FBXL7: variants seen among roughly 807,000 people sequenced by gnomAD.
FBXL7 encodes F-box/LRR-repeat protein 7.
FBXL7 carries 12 observed loss-of-function variants against 38.3 expected under a neutral mutation model. The ratio of observed to expected loss-of-function variants is 0.31; its 90% CI spans 0.20 to 0.51. FBXL7 has a LOEUF of 0.51. FBXL7 is among the 20% of genes least tolerant of loss of function. The probability of loss-of-function intolerance (pLI) is 0.98; values close to 1 mark genes in which losing one functional copy is unlikely to be tolerated. For synonymous variants in FBXL7, 297 were observed against 300.9 expected (o/e 0.99, Z 0.13); for missense variants, 567 against 676.4 (o/e 0.84, Z 1.79).
intron 2 of FBXL7, among the ~76,000 whole-genome samples, chr5:15,804,760 G>C (rs954965847): frequency 2.0e-5 from 3 of 152,078 alleles, no homozygotes; most frequent in Non-Finnish European, 4.4e-5. Flanking sequence ...CACATGTGAG[G>C]GATCTAGGTT....
At chr5:15,681,209 A>G (rs1048473282) in intron 2 of FBXL7, among the ~76,000 whole-genome samples, 1 of 152,202 alleles carries the variant, frequency 6.6e-6, no homozygotes, top group Non-Finnish European at 1.5e-5. Flanking sequence ...TTTCAACCTC[A>G]ATGTGAGGAA....
At chr5:15,690,706 G>T (rs1179632420) in intron 2 of FBXL7, among the ~76,000 whole-genome samples, 1 of 152,158 alleles carries the variant, frequency 6.6e-6, no homozygotes, top group Non-Finnish European at 1.5e-5. Context: ...GATAAATATT[G>T]AATGATCTCA....
At chr5:15,531,707 A>T (rs1401678101) in intron 1 of FBXL7, among the ~76,000 whole-genome samples, 1 of 152,190 alleles carries the variant, frequency 6.6e-6, no homozygotes, top group African/African-American at 2.4e-5. Flanking sequence ...TACCCCATTT[A>T]ACCTAATTTC....
At chr5:15,600,894 C>T (rs1445462040) in intron 1 of FBXL7, among the ~76,000 whole-genome samples, 2 of 152,142 alleles carry the variant, frequency 1.3e-5, no homozygotes, top group Admixed American at 1.3e-4. Context: ...CTGTCTTTTG[C>T]TGGGGTTGAG....
At chr5:15,505,845 G>A (rs147233704) in intron 1 of FBXL7, among the ~76,000 whole-genome samples, 153 of 152,228 alleles carry the variant, frequency 1.0e-3, no homozygotes, top group African/African-American at 3.5e-3. Flanking sequence ...CCCCACATCC[G>A]CTGGGGATGA....
chr5:15,530,059 GATA>G (rs1384509257), intron 1 of FBXL7, among the ~76,000 whole-genome samples: 2 of 152,208 alleles, frequency 1.3e-5, no homozygotes, highest in African/African-American at 2.4e-5. Flanking sequence ...GTATCTCTTA[GATA>G]ATACCCTTGA....
chr5:15,805,232 A>G (rs577539370), intron 2 of FBXL7, among the ~76,000 whole-genome samples: 31 of 152,334 alleles, frequency 2.0e-4, no homozygotes, highest in African/African-American at 5.8e-4. Flanking sequence ...ACTGCAGTGT[A>G]TGAATTTTCT....
rs79258657 is a variant in FBXL7 at position 15,635,339 on chromosome 5, C to A, written c.127+19267C>A. On this transcript the variant is annotated intron_variant, in intron 2 of 3. Coordinates refer to ENST00000504595, the MANE Select transcript of FBXL7 (RefSeq NM_012304.5). ...CAGGATGGTCTCTAGGTAAACAGAC[C>A]CTATATATGGTTGCTCAGGGCTCCA... Among the ~76,000 whole-genome samples, 1,495 of 152,096 alleles carry A rather than the reference C, an allele frequency of 9.8e-3. 20 individuals carry two copies. Among genetic ancestry groups the A allele is most frequent in the African/African-American group, 0.034 (1,409 of 41,484 alleles).
At chr5:15,702,211 C>A (rs1743546570) in intron 2 of FBXL7, among the ~76,000 whole-genome samples, 1 of 147,312 alleles carries the variant, frequency 6.8e-6, no homozygotes, top group African/African-American at 2.5e-5. Context: ...GCATTCCAGC[C>A]TGGAAACAAA....
At chr5:15,601,814 G>C (rs931677664) in intron 1 of FBXL7, among the ~76,000 whole-genome samples, 2 of 152,148 alleles carry the variant, frequency 1.3e-5, no homozygotes, top group African/African-American at 4.8e-5. Context: ...TGGAGTATCT[G>C]CTGGGTTGGA....
intron 1 of FBXL7, among the ~76,000 whole-genome samples, chr5:15,572,401 A>T (rs2126454545): frequency 6.6e-6 from 1 of 152,158 alleles, no homozygotes; most frequent in African/African-American, 2.4e-5. Context: ...AAAAAAAAAA[A>T]AAAAAAAAAT....
intron 2 of FBXL7, among the ~76,000 whole-genome samples, chr5:15,742,926 A>G (rs1204183844): frequency 5.3e-5 from 8 of 152,128 alleles, no homozygotes; most frequent in African/African-American, 1.9e-4. Flanking sequence ...GAAGCGAGGG[A>G]AAAACCCCTT....
chr5:15,833,322 G>C (rs1162711629), intron 2 of FBXL7, among the ~76,000 whole-genome samples: 1 of 152,068 alleles, frequency 6.6e-6, no homozygotes. Flanking sequence ...AAGCTCTCTG[G>C]GGTCTCTTTG....
chr5:15,504,248 T>TGTA (rs1201373178), intron 1 of FBXL7, among the ~76,000 whole-genome samples: 7 of 152,252 alleles, frequency 4.6e-5, no homozygotes, highest in African/African-American at 1.7e-4. Context: ...TCCTTGAATG[T>TGTA]GTAGTCATTC....
chr5:15,515,263 C>A (rs933578236), intron 1 of FBXL7, among the ~76,000 whole-genome samples: 3 of 152,174 alleles, frequency 2.0e-5, no homozygotes, highest in African/African-American at 7.2e-5. Context: ...CTAATTCTTT[C>A]ATCTTATAGA....
chr5:15,784,361 C>A (rs1322423041), intron 2 of FBXL7, among the ~76,000 whole-genome samples: 1 of 151,988 alleles, frequency 6.6e-6, no homozygotes, highest in Admixed American at 6.6e-5. Context: ...AGGATTTGGG[C>A]CCATATTACA....
chr5:15,701,874 A>G (rs375597555), intron 2 of FBXL7, among the ~76,000 whole-genome samples: 7 of 152,320 alleles, frequency 4.6e-5, no homozygotes, highest in African/African-American at 1.7e-4. Context: ...GCTAAAGATG[A>G]CTGTAAAGTA....
chr5:15,575,736 TA>T (rs1440586746), intron 1 of FBXL7, among the ~76,000 whole-genome samples: 4 of 152,246 alleles, frequency 2.6e-5, no homozygotes, highest in African/African-American at 9.6e-5. Flanking sequence ...TGCAATAACA[TA>T]AGCAGAATGA....
chr5:15,636,242 A>G (rs1245375018), intron 2 of FBXL7, among the ~76,000 whole-genome samples: 1 of 152,122 alleles, frequency 6.6e-6, no homozygotes, highest in East Asian at 1.9e-4. Flanking sequence ...CACATACTGT[A>G]TCTTTCCTCT....
Sources: allele counts gnomAD v4.1 joint callset (sites outside exome capture counted in the v4.1 genomes callset), GRCh38; gene constraint gnomAD v4.1.1; transcripts MANE v1.5; gene names NCBI Gene and HGNC (gene_info 2026-07-23, HGNC 2026-07-21).